The following CDH18 variants were observed in gnomAD, a reference collection of about 807,000 sequenced individuals.
CDH18 encodes the protein cadherin 18.
Under a neutral mutation model 67.9 loss-of-function variants are expected in CDH18, and 31 were observed. That is an observed-to-expected ratio of 0.46 (90% CI 0.34 to 0.62). The LOEUF is 0.62. CDH18 is among the 20% of genes least tolerant of loss of function. The probability of loss-of-function intolerance (pLI) is 0.01; values close to 1 mark genes in which losing one functional copy is unlikely to be tolerated. For synonymous variants in CDH18, 362 were observed against 347.2 expected, an observed-to-expected ratio of 1.04 and a Z score of -0.48; for missense variants, 890 against 975.5, an observed-to-expected ratio of 0.91 and a Z score of 1.17.
At chr5:19,907,951 T>C (rs1790701657) in intron 2 of CDH18, among the ~76,000 whole-genome samples, 1 of 152,080 alleles carries the variant, frequency 6.6e-6, no homozygotes, top group East Asian at 1.9e-4. Flanking sequence ...ATATATACTT[T>C]AAAATCCTTA....
At chr5:20,542,060 C>T (rs1757078330) in intron 1 of CDH18, among the ~76,000 whole-genome samples, 2 of 152,182 alleles carry the variant, frequency 1.3e-5, no homozygotes, top group Non-Finnish European at 2.9e-5. Context: ...ATTCTCCTGC[C>T]TCAGCCTCCT....
rs56397792 is a variant in CDH18 at position 19,807,384 on chromosome 5, T to G, written c.228+31375A>C. Among the ~76,000 whole-genome samples the G allele has an allele frequency of 3.1e-3, 479 of 152,320 alleles. 4 individuals are homozygous for G. Among genetic ancestry groups the G allele is most frequent in the African/African-American group, 0.011 (438 of 41,576 alleles). On this transcript the variant is annotated intron_variant, in intron 3 of 12. Transcript: ENST00000382275. ...ACAGTGTTATAATTTTATGGAACCA[T>G]CATCATTGACTGAAACACCATTAAT...
intron 2 of CDH18, among the ~76,000 whole-genome samples, chr5:19,958,120 TG>T (rs1796434849): frequency 6.6e-6 from 1 of 151,740 alleles, no homozygotes; most frequent in East Asian, 1.9e-4. Flanking sequence ...TCTCTCTCAT[TG>T]TTTTTCCCCT....
intron 2 of CDH18, among the ~76,000 whole-genome samples, chr5:20,153,934 C>G (rs1349210417): frequency 1.3e-5 from 2 of 152,158 alleles, no homozygotes; most frequent in African/African-American, 4.8e-5. Flanking sequence ...CAGATTGTTT[C>G]TGTGTCATAT....
At chr5:19,727,906 T>G (rs1236657950) in intron 4 of CDH18, among the ~76,000 whole-genome samples, 4 of 152,212 alleles carry the variant, frequency 2.6e-5, no homozygotes, top group Non-Finnish European at 5.9e-5. Context: ...ATGCATTATA[T>G]TGGGCACTTT....
intron 2 of CDH18, among the ~76,000 whole-genome samples, chr5:20,242,054 A>G (rs146757307): frequency 0.011 from 1,681 of 151,636 alleles, 32 homozygotes; most frequent in African/African-American, 0.038. Flanking sequence ...ATTAAAAACA[A>G]TAATTTTCTC....
chr5:19,825,822 CAG>C, intron 3 of CDH18, among the ~76,000 whole-genome samples: 1 of 152,100 alleles, frequency 6.6e-6, no homozygotes. Context: ...CTCAAAAAGC[CAG>C]AGTGTCTTCT....
intron 2 of CDH18, among the ~76,000 whole-genome samples, chr5:20,209,804 C>CCCAATTA (rs149836018): frequency 0.15 from 22,579 of 151,344 alleles, 2,525 homozygotes; most frequent in African/African-American, 0.32. Flanking sequence ...TACTGGGGAG[C>CCCAATTA]CCAATTACCG....
intron 2 of CDH18, among the ~76,000 whole-genome samples, chr5:19,873,760 G>A (rs1786602494): frequency 6.6e-6 from 1 of 151,974 alleles, no homozygotes; most frequent in Admixed American, 6.6e-5. Flanking sequence ...CAATTCTCCT[G>A]CCTCACCCTC....
Position 19,909,353 on chromosome 5 carries a change from G to T in CDH18, c.-256-70111C>A, listed in dbSNP as rs183695225. The stretch of plus-strand genomic sequence containing the variant: ...TCTTGCTCCTTGCCCTGCCTGGAGT[G>T]TAGTGGTGTGATCTCGGCTCACTGC... On this transcript the variant is annotated intron_variant, in intron 2 of 12. Transcript: ENST00000382275. Among the ~76,000 whole-genome samples, 19 of 147,762 alleles carry T rather than the reference G, an allele frequency of 1.3e-4. No individual in the cohort carries two copies. The East Asian group carries it at 3.4e-3, about 27-fold the overall frequency.
At chr5:19,551,895 T>C (rs2127147195) in intron 8 of CDH18, among the ~76,000 whole-genome samples, 1 of 152,306 alleles carries the variant, frequency 6.6e-6, no homozygotes, top group African/African-American at 2.4e-5. Flanking sequence ...AATTTTTATT[T>C]GGAAGGTGTA....
chr5:19,498,852 C>CTTCATTCATCATTCAGTTGTCAAGT (rs1742771628), intron 11 of CDH18, among the ~76,000 whole-genome samples: 1 of 152,172 alleles, frequency 6.6e-6, no homozygotes, highest in Admixed American at 6.6e-5. Context: ...TCTTGTTAAG[C>CTTCATTCATCATTCAGTTGTCAAGT]TTCATTCATC....
chr5:19,579,808 A>T (rs1742932445), intron 7 of CDH18, among the ~76,000 whole-genome samples: 1 of 151,820 alleles, frequency 6.6e-6, no homozygotes, highest in Non-Finnish European at 1.5e-5. Flanking sequence ...TGTTAATCAC[A>T]GTCAGTGTTC....
chr5:19,814,079 T>C (rs1031598109), intron 3 of CDH18, among the ~76,000 whole-genome samples: 15 of 151,876 alleles, frequency 9.9e-5, no homozygotes, highest in African/African-American at 2.9e-4. Flanking sequence ...AAAAAATAAA[T>C]TTAATATGGG....
At chr5:20,375,170 T>C (rs1298953045) in intron 1 of CDH18, among the ~76,000 whole-genome samples, 5 of 152,218 alleles carry the variant, frequency 3.3e-5, no homozygotes, top group African/African-American at 1.2e-4. Flanking sequence ...AAATTTCTTT[T>C]GTCTCAGTTA....
At chr5:19,686,255 GATAA>G (rs1247467970) in intron 5 of CDH18, among the ~76,000 whole-genome samples, 1 of 152,042 alleles carries the variant, frequency 6.6e-6, no homozygotes, top group Non-Finnish European at 1.5e-5. Context: ...TTTGTACTAT[GATAA>G]ATAAGACAAA....
At chr5:20,046,969 C>G (rs1023498194) in intron 2 of CDH18, among the ~76,000 whole-genome samples, 5 of 151,704 alleles carry the variant, frequency 3.3e-5, no homozygotes, top group Non-Finnish European at 7.4e-5. Context: ...CTAACCTGCA[C>G]GTTGTGCACA....
At chr5:20,465,417 G>C (rs1259346961) in intron 1 of CDH18, among the ~76,000 whole-genome samples, 1 of 151,966 alleles carries the variant, frequency 6.6e-6, no homozygotes, top group Non-Finnish European at 1.5e-5. Flanking sequence ...AATATTGGTA[G>C]TGATACAGAA....
intron 7 of CDH18, among the ~76,000 whole-genome samples, chr5:19,588,901 G>A (rs1744655178): frequency 6.6e-6 from 1 of 152,084 alleles, no homozygotes; most frequent in African/African-American, 2.4e-5. Context: ...CATACAGCAA[G>A]CTCTTAGAAA....
Sources: gnomAD v4.1 joint callset for allele counts (sites outside exome capture counted in the v4.1 genomes callset) on GRCh38, gnomAD v4.1.1 for gene constraint, MANE v1.5 for transcripts, NCBI Gene and HGNC (gene_info 2026-07-23, HGNC 2026-07-21) for gene names.